FAM193A: variants seen among roughly 807,000 people sequenced by gnomAD.
FAM193A encodes the protein protein FAM193A.
A neutral mutation model predicts 126.5 loss-of-function variants in FAM193A; 22 were observed. That is an observed-to-expected ratio of 0.17 (90% confidence interval 0.12 to 0.25). FAM193A has a LOEUF of 0.25. Among genes scored for constraint, FAM193A ranks in the 10% least tolerant of loss-of-function variants. The pLI is 1.00. For missense variants in FAM193A, 1,675 were observed against 1,672.8 expected (o/e 1.00, Z -0.02); for synonymous variants, 761 against 646.8 (o/e 1.18, Z -2.68).
At chr4:2,642,706 C>CT (rs1744757871) in intron 6 of FAM193A, among the ~76,000 whole-genome samples, 1 of 151,602 alleles carries the variant, frequency 6.6e-6, no homozygotes, top group Non-Finnish European at 1.5e-5. Flanking sequence ...GTGACTGAAA[C>CT]CGGAAGTGCA....
At chr4:2,548,747 G>A (rs1347737789) in intron 1 of FAM193A, among the ~76,000 whole-genome samples, 3 of 151,548 alleles carry the variant, frequency 2.0e-5, no homozygotes, top group Non-Finnish European at 2.9e-5. Context: ...GTGAGCCACC[G>A]GACCCAACCT....
At chr4:2,586,450 GGTATCTAGTTGTTCT>G (rs1372121677) in intron 1 of FAM193A, among the ~76,000 whole-genome samples, 1 of 151,662 alleles carries the variant, frequency 6.6e-6, no homozygotes, top group African/African-American at 2.4e-5. Context: ...CCCCGGTTTG[GGTATCTAGTTGTTCT>G]GTATTAACTT....
chr4:2,541,412 T>C (rs2108802255), intron 1 of FAM193A, among the ~76,000 whole-genome samples: 1 of 152,040 alleles, frequency 6.6e-6, no homozygotes, highest in South Asian at 2.1e-4. Context: ...TAATAAAATC[T>C]GGGTTATAGT....
chr4:2,628,102 C>T (rs979940177), intron 4 of FAM193A, among the ~76,000 whole-genome samples: 26 of 151,568 alleles, frequency 1.7e-4, no homozygotes, highest in African/African-American at 6.1e-4. Context: ...GCCAGGCTGG[C>T]CTTGAACTCC....
intron 13 of FAM193A, among the ~76,000 whole-genome samples, chr4:2,689,077 G>A (rs1239110343): frequency 6.6e-6 from 1 of 152,254 alleles, no homozygotes; most frequent in Non-Finnish European, 1.5e-5. Flanking sequence ...CCTTGCCTGG[G>A]TATAAGAGGT....
chr4:2,630,104 C>T (rs1292607027), intron 4 of FAM193A, among the ~76,000 whole-genome samples: 2 of 150,970 alleles, frequency 1.3e-5, no homozygotes, highest in East Asian at 3.9e-4. Context: ...TGCACTCCAG[C>T]CTGGGCGACA....
rs774969216 is a variant in FAM193A, at chr4:2,663,283, C to G, written c.2074C>G (p.Gln692Glu). ...CAGTCCACCCCCATCCTACCCAACACAGCAGGTAGGACTTTGCTTGCTGTT... is the reference window on the plus strand; with the variant it reads ...CAGTCCACCCCCATCCTACCCAACAGAGCAGGTAGGACTTTGCTTGCTGTT... Reference protein sequence around the residue: ...ADSPPPSYPTQQAEQAPNTCE... With the variant: ...ADSPPPSYPTEQAEQAPNTCE... Residue 692 changes from glutamine (Q) to glutamate (E), a missense_variant, in exon 12 of 21, where the codon CAG (glutamine) becomes GAG (glutamate). Gln to Glu is a conservative substitution (Grantham distance 29, BLOSUM62 2). Around this residue, in one of 4 missense-constraint regions of FAM193A, gnomAD observed 1,186 missense variants for 1,109.2 expected, o/e 1.07. Transcript: ENST00000637812. 8.9e-6 allele frequency: 14 copies of G among 1,575,536 alleles called. No individual in the cohort carries two copies. The highest frequency in any genetic ancestry group is 1.0e-5 in the Non-Finnish European group (12 of 1,164,088).
intron 15 of FAM193A, among the ~76,000 whole-genome samples, chr4:2,691,513 G>A (rs1716375058): frequency 1.3e-5 from 2 of 152,176 alleles, no homozygotes; most frequent in Admixed American, 1.3e-4. Context: ...GAGCTGACAG[G>A]GCTGCCTGTC....
intron 15 of FAM193A, among the ~76,000 whole-genome samples, chr4:2,693,211 G>A (rs534959767): frequency 6.1e-4 from 93 of 152,178 alleles, no homozygotes; most frequent in South Asian, 6.0e-3. Flanking sequence ...GTAGAGATGC[G>A]GTTTCACTGT....
At chr4:2,660,652 G>T (rs1251318857) in intron 10 of FAM193A, among the ~76,000 whole-genome samples, 1 of 152,200 alleles carries the variant, frequency 6.6e-6, no homozygotes, top group Non-Finnish European at 1.5e-5. Flanking sequence ...TTTAGTTTAC[G>T]TGTATCGTAG....
At chr4:2,591,624 T>C (rs745794062) in intron 1 of FAM193A, among the ~76,000 whole-genome samples, 7 of 152,230 alleles carry the variant, frequency 4.6e-5, no homozygotes, top group Non-Finnish European at 7.3e-5. Flanking sequence ...TACCCTAAGA[T>C]GACCTTTTTT....
At chr4:2,640,658 A>G (rs1744523349) in intron 6 of FAM193A, among the ~76,000 whole-genome samples, 1 of 152,178 alleles carries the variant, frequency 6.6e-6, no homozygotes, top group African/African-American at 2.4e-5. Context: ...GCAGCCATCT[A>G]CATTTGACCA....
At chr4:2,698,778 T>G (rs1157507224) in intron 18 of FAM193A, among the ~76,000 whole-genome samples, 2 of 152,210 alleles carry the variant, frequency 1.3e-5, no homozygotes, top group Non-Finnish European at 2.9e-5. Flanking sequence ...GGAGTTTGTG[T>G]GCATCACTAC....
At chr4:2,713,028 C>T (rs908802466) in intron 19 of FAM193A, among the ~76,000 whole-genome samples, 1 of 150,548 alleles carries the variant, frequency 6.6e-6, no homozygotes, top group African/African-American at 2.5e-5. Flanking sequence ...TTGCTTGAAC[C>T]TGGGAGGTGG....
chr4:2,565,625 A>G (rs1299642248), intron 1 of FAM193A, among the ~76,000 whole-genome samples: 1 of 152,104 alleles, frequency 6.6e-6, no homozygotes, highest in African/African-American at 2.4e-5. Flanking sequence ...AGGTAGAAAG[A>G]GATTCTTGGG....
intron 10 of FAM193A, among the ~76,000 whole-genome samples, chr4:2,660,714 G>A (rs1712332513): frequency 6.6e-6 from 1 of 152,246 alleles, no homozygotes. Flanking sequence ...AGAGATTGTT[G>A]TTCCTGACCT....
rs774589325 is a variant in FAM193A, at chr4:2,693,680, G to T, written c.2898G>T (p.Ala966=). 5 of 1,614,126 alleles carry T rather than the reference G, an allele frequency of 3.1e-6. No individual in the cohort carries two copies. In the Admixed American group the frequency reaches 8.3e-5, roughly 27 times the overall value. The part of the protein sequence containing the change: ...NSPTGLAPLP[A]LSPAALSPAA... ...CCACGGGCTTGGCCCCCCTCCCAGC[G>T]CTCTCGCCTGCTGCGCTGTCACCTG... is the stretch of plus-strand genomic sequence containing the variant. Residue 966 remains alanine, a synonymous_variant, in exon 16 of 21, where the codon GCG becomes GCT. Transcript: ENST00000637812.
intron 12 of FAM193A, among the ~76,000 whole-genome samples, chr4:2,664,942 T>G (rs1156429699): frequency 6.6e-6 from 1 of 152,162 alleles, no homozygotes; most frequent in Non-Finnish European, 1.5e-5. Context: ...ACTTGTCAAC[T>G]ACAAAACGCC....
intron 5 of FAM193A, among the ~76,000 whole-genome samples, chr4:2,633,029 T>G (rs990983492): frequency 6.6e-6 from 1 of 152,212 alleles, no homozygotes; most frequent in African/African-American, 2.4e-5. Context: ...GGATACTGTT[T>G]TATGAAGCTG....
Sources: gnomAD v4.1 joint callset for allele counts (sites outside exome capture counted in the v4.1 genomes callset) on GRCh38, gnomAD v4.1.1 for gene constraint, gnomAD v4.1.1 regional missense constraint, MANE v1.5 for transcripts, NCBI Gene and HGNC (gene_info 2026-07-23, HGNC 2026-07-21) for gene names.